The following ANKS1B variants were observed in gnomAD, a reference collection of about 807,000 sequenced individuals.
The protein encoded by ANKS1B is ankyrin repeat and sterile alpha motif domain-containing protein 1B.
In ANKS1B, 36 loss-of-function variants were observed where a neutral mutation model predicts 148.3. That is an observed-to-expected ratio of 0.24 (90% CI 0.19 to 0.32). The LOEUF (loss-of-function observed/expected upper bound fraction) is 0.32, where lower values mean the gene tolerates loss of function less well. Among genes scored for constraint, ANKS1B ranks in the 10% least tolerant of loss-of-function variants. The probability of loss-of-function intolerance (pLI) is 1.00; values close to 1 mark genes in which losing one functional copy is unlikely to be tolerated. For missense variants in ANKS1B, 1,157 were observed against 1,542.6 expected (o/e 0.75, Z 4.19); for synonymous variants, 542 against 560.8 (o/e 0.97, Z 0.47).
chr12:99,857,824 G>C (rs1047384703), intron 1 of ANKS1B, among the ~76,000 whole-genome samples: 1 of 152,142 alleles, frequency 6.6e-6, no homozygotes, highest in African/African-American at 2.4e-5. Context: ...CGGGATAATT[G>C]ACTAGCCACA....
chr12:98,784,040 G>T (rs1385319755), intron 22 of ANKS1B, among the ~76,000 whole-genome samples: 1 of 152,226 alleles, frequency 6.6e-6, no homozygotes, highest in East Asian at 1.9e-4. Flanking sequence ...GATCTGCTAT[G>T]GAAGATGAAT....
intron 22 of ANKS1B, among the ~76,000 whole-genome samples, chr12:98,783,813 T>G (rs968453270): frequency 1.3e-5 from 2 of 152,014 alleles, no homozygotes; most frequent in Admixed American, 1.3e-4. Context: ...CACTAGAGAG[T>G]GACACAATCA....
chr12:99,506,453 A>C (rs571234549), intron 9 of ANKS1B, among the ~76,000 whole-genome samples: 2 of 152,128 alleles, frequency 1.3e-5, no homozygotes, highest in African/African-American at 4.8e-5. Context: ...TTTATTTTTA[A>C]CAACAAAGGG....
At chr12:99,492,809 T>C (rs544492778) in intron 10 of ANKS1B, among the ~76,000 whole-genome samples, 1 of 152,166 alleles carries the variant, frequency 6.6e-6, no homozygotes, top group South Asian at 2.1e-4. Context: ...CACATGATTA[T>C]CTCAATAGAT....
intron 10 of ANKS1B, among the ~76,000 whole-genome samples, chr12:99,501,200 C>T (rs1488526097): frequency 6.6e-6 from 1 of 152,086 alleles, no homozygotes; most frequent in Non-Finnish European, 1.5e-5. Flanking sequence ...GTATAGTCTA[C>T]ATCTACTAAT....
chr12:99,204,298 T>G (rs2082384475), intron 14 of ANKS1B, among the ~76,000 whole-genome samples: 1 of 152,258 alleles, frequency 6.6e-6, no homozygotes, highest in Admixed American at 6.5e-5. Flanking sequence ...TCTGAAGGAA[T>G]GTATTCATGC....
chr12:99,503,567 T>C (rs1157462557), intron 10 of ANKS1B, among the ~76,000 whole-genome samples: 1 of 152,146 alleles, frequency 6.6e-6, no homozygotes, highest in Non-Finnish European at 1.5e-5. Context: ...GCTATTTCCC[T>C]CTTGCACCTG....
chr12:98,906,446 G>A (rs2099779199), intron 17 of ANKS1B, among the ~76,000 whole-genome samples: 1 of 152,214 alleles, frequency 6.6e-6, no homozygotes. Context: ...GGAGGGAACA[G>A]ATGCCACTGG....
chr12:99,000,266 T>A (rs1290431342), intron 17 of ANKS1B, among the ~76,000 whole-genome samples: 1 of 145,472 alleles, frequency 6.9e-6, no homozygotes, highest in African/African-American at 2.6e-5. Context: ...TTTTTCTTTT[T>A]CCTTTTTTTT....
chr12:99,845,065 A>G (rs998810457), intron 1 of ANKS1B, among the ~76,000 whole-genome samples: 5 of 152,114 alleles, frequency 3.3e-5, no homozygotes, highest in Non-Finnish European at 7.4e-5. Context: ...AATGCTAACT[A>G]TTTTTGCACA....
chr12:99,918,495 T>A (rs1441756019), intron 1 of ANKS1B, among the ~76,000 whole-genome samples: 1 of 152,194 alleles, frequency 6.6e-6, no homozygotes, highest in Non-Finnish European at 1.5e-5. Context: ...TATCACCTTA[T>A]ATTGAGGAAT....
At chr12:98,937,124 C>A (rs1029153749) in intron 17 of ANKS1B, among the ~76,000 whole-genome samples, 1 of 152,150 alleles carries the variant, frequency 6.6e-6, no homozygotes, top group Non-Finnish European at 1.5e-5. Context: ...AATGCATACT[C>A]CAGGGATGAG....
At chr12:99,525,991 C>T (rs2096922969) in intron 9 of ANKS1B, among the ~76,000 whole-genome samples, 1 of 151,370 alleles carries the variant, frequency 6.6e-6, no homozygotes, top group Non-Finnish European at 1.5e-5. Flanking sequence ...GACCATCAAC[C>T]TAAGAGAAAA....
intron 8 of ANKS1B, among the ~76,000 whole-genome samples, chr12:99,683,042 T>C (rs1283001352): frequency 6.6e-6 from 1 of 152,010 alleles, no homozygotes; most frequent in Admixed American, 6.6e-5. Flanking sequence ...AGAAAGAGAA[T>C]CAAGTGAAAG....
At chr12:98,845,522 C>T (rs1291198045) in intron 17 of ANKS1B, among the ~76,000 whole-genome samples, 1 of 152,162 alleles carries the variant, frequency 6.6e-6, no homozygotes, top group Non-Finnish European at 1.5e-5. Flanking sequence ...ATGAACTCTG[C>T]AGTCTATTCT....
intron 8 of ANKS1B, among the ~76,000 whole-genome samples, chr12:99,659,230 T>G (rs12370871): frequency 1.5e-4 from 23 of 151,872 alleles, no homozygotes; most frequent in Non-Finnish European, 1.5e-5. Context: ...CAGTTAAAGA[T>G]TTGAAGGAAA....
In ANKS1B at chr12:99,246,527, A is replaced by G; in HGVS notation, c.2094T>C (p.Asn698=). 1.2e-6 allele frequency: 2 copies of G among 1,613,294 alleles called. No individual in the cohort carries two copies. Among genetic ancestry groups the G allele is most frequent in the Non-Finnish European group, 1.7e-6 (2 of 1,179,692 alleles). The change falls in exon 13 of 27, where the codon AAT becomes AAC. Residue 698 remains asparagine (N), a synonymous_variant. Transcript: ENST00000683438. ...CTGCGTTCATAACCCACTGGTCCCC[A>G]TTCCGAGATCCACTCCTGGTTGATC... is the stretch of plus-strand genomic sequence containing the variant. ...GTRSTRSGSR[N]GDQWVMNAGG...
chr12:99,541,454 T>G (rs2097125417), intron 9 of ANKS1B, among the ~76,000 whole-genome samples: 1 of 152,188 alleles, frequency 6.6e-6, no homozygotes, highest in Non-Finnish European at 1.5e-5. Flanking sequence ...CAGGAATACT[T>G]GGCTGGTTCA....
intron 8 of ANKS1B, among the ~76,000 whole-genome samples, chr12:99,760,675 TAAATA>T (rs891691324): frequency 7.3e-5 from 11 of 149,984 alleles, no homozygotes; most frequent in African/African-American, 2.0e-4. Flanking sequence ...AGAAAAGAAA[TAAATA>T]AAATAAAATA....
Sources: allele counts gnomAD v4.1 joint callset (sites outside exome capture counted in the v4.1 genomes callset), GRCh38; gene constraint gnomAD v4.1.1; transcripts MANE v1.5; gene names NCBI Gene and HGNC (gene_info 2026-07-23, HGNC 2026-07-21).